The following TJP1 variants were observed in gnomAD, a reference collection of about 807,000 sequenced individuals.
TJP1 encodes the protein tight junction protein ZO-1.
Under a neutral mutation model 194.2 loss-of-function variants are expected in TJP1, and 43 were observed. The ratio of observed to expected loss-of-function variants is 0.22; its 90% CI spans 0.17 to 0.29. TJP1 has a LOEUF of 0.29. TJP1 is among the 10% of genes least tolerant of loss of function. The probability of loss-of-function intolerance (pLI) is 1.00; values close to 1 mark genes in which losing one functional copy is unlikely to be tolerated. For missense variants in TJP1, 1,971 were observed against 2,185.7 expected (o/e 0.90, Z 1.96); for synonymous variants, 801 against 779.0 (o/e 1.03, Z -0.47).
chr15:29,890,491 G>GTAGT (rs1428838188), intron 2 of TJP1, among the ~76,000 whole-genome samples: 3 of 152,180 alleles, frequency 2.0e-5, no homozygotes, highest in Non-Finnish European at 4.4e-5. Context: ...CATTGTTGGT[G>GTAGT]TAGTTTCCTA....
intron 23 of TJP1, among the ~76,000 whole-genome samples, chr15:29,714,421 G>A (rs1305959689): frequency 6.6e-6 from 1 of 150,848 alleles, no homozygotes; most frequent in Non-Finnish European, 1.5e-5. Flanking sequence ...TGTATTTTTA[G>A]TAGAGACAGG....
chr15:29,720,416 G>C lies in TJP1; in HGVS notation c.2705C>G (p.Ala902Gly), dbSNP rs754602712. The change falls in exon 19 of 28, where the codon GCG becomes GGG. Residue 902 changes from alanine (A) to glycine (G), a missense_variant. Physicochemically the swap from Ala to Gly is moderately conservative, Grantham distance 60. Around this residue, in one of 5 missense-constraint regions of TJP1, gnomAD observed 1,108 missense variants for 1,128.5 expected, o/e 0.98. Transcript: ENST00000614355. ...TATTCTATGAATTGGTTGTGGCTGC[G>C]CTTGTGGTGAGTAAGGAGGATATGT... Reference protein sequence around the residue: ...NQTYPPYSPQAQPQPIHRIDS... With the variant: ...NQTYPPYSPQGQPQPIHRIDS... The C allele has an allele frequency of 6.2e-7, 1 of 1,613,414 alleles. No homozygotes were observed. The highest frequency in any genetic ancestry group is 1.1e-5 in the South Asian group (1 of 90,914).
chr15:29,870,433 A>G (rs1017805607), intron 2 of TJP1, among the ~76,000 whole-genome samples: 2 of 152,246 alleles, frequency 1.3e-5, no homozygotes, highest in Non-Finnish European at 2.9e-5. Flanking sequence ...GAGGAACCGG[A>G]GCAGACAATA....
intron 2 of TJP1, among the ~76,000 whole-genome samples, chr15:29,868,236 C>T (rs893965222): frequency 1.3e-5 from 2 of 152,048 alleles, no homozygotes; most frequent in African/African-American, 2.4e-5. Flanking sequence ...AAAAAATCAG[C>T]GGCAATAGCT....
In TJP1 at chr15:29,822,166, C is replaced by A; in HGVS notation, c.-138G>T. The A allele has an allele frequency of 3.4e-6, 4 of 1,180,914 alleles. No individual in the cohort carries two copies. The highest frequency in any genetic ancestry group is 4.2e-6 in the Non-Finnish European group (4 of 954,422). The allele number at this position is 1,180,914 out of a possible 1,614,324, so 73.2% of individuals were successfully genotyped here. The stretch of plus-strand genomic sequence containing the variant: ...CACGGGCGGGGGCGGCCGGAAGGGC[C>A]CGGCCCAGGGGGAGGGAATTCAACT... On this transcript the variant is annotated 5_prime_UTR_variant, in exon 1 of 28. Transcript: ENST00000614355.
chr15:29,737,109 G>A (rs1566927917), intron 11 of TJP1, among the ~76,000 whole-genome samples, 155 bp downstream of exon 11: 1 of 152,180 alleles, frequency 6.6e-6, no homozygotes, highest in Admixed American at 6.5e-5. Context: ...CCAGCATAAG[G>A]TAGACCTGAT....
intron 2 of TJP1, among the ~76,000 whole-genome samples, chr15:29,945,142 G>C (rs1040923392): frequency 2.4e-4 from 37 of 152,140 alleles, no homozygotes; most frequent in Admixed American, 1.0e-3. Context: ...CTCCCCTCTG[G>C]TGTTTCAAGT....
intron 2 of TJP1, among the ~76,000 whole-genome samples, chr15:29,784,765 G>A (rs2047592446): frequency 6.6e-6 from 1 of 152,124 alleles, no homozygotes; most frequent in African/African-American, 2.4e-5. Flanking sequence ...TAGGACTGGT[G>A]ATAAGCATCA....
chr15:29,965,595 A>G (rs2056306100), intron 1 of TJP1, among the ~76,000 whole-genome samples: 2 of 151,884 alleles, frequency 1.3e-5, no homozygotes, highest in African/African-American at 4.8e-5. Flanking sequence ...TCCACCCACC[A>G]CTCTAGAGTC....
intron 2 of TJP1, among the ~76,000 whole-genome samples, chr15:29,920,712 C>A (rs1172074672): frequency 1.3e-5 from 2 of 152,186 alleles, no homozygotes; most frequent in Non-Finnish European, 2.9e-5. Flanking sequence ...CTGTGACAGC[C>A]CTGCTGCTCC....
chr15:29,765,212 C>A (rs1171011749), intron 5 of TJP1, among the ~76,000 whole-genome samples: 1 of 151,962 alleles, frequency 6.6e-6, no homozygotes, highest in Non-Finnish European at 1.5e-5. Context: ...GGGGGCAGAG[C>A]GGAAAAGATA....
chr15:29,702,592 T>C (rs1032860053), intron 27 of TJP1, among the ~76,000 whole-genome samples: 1 of 152,154 alleles, frequency 6.6e-6, no homozygotes, highest in African/African-American at 2.4e-5. Flanking sequence ...GGGAAGCTGC[T>C]AAATATTCCA....
intron 1 of TJP1, among the ~76,000 whole-genome samples, chr15:29,957,718 C>A (rs1596325773): frequency 6.6e-6 from 1 of 152,268 alleles, no homozygotes; most frequent in Middle Eastern, 3.4e-3. Flanking sequence ...CAGCAATGAA[C>A]ATCCTTGGCA....
At chr15:29,797,904 GAC>G (rs1335493392) in intron 2 of TJP1, among the ~76,000 whole-genome samples, 1 of 152,134 alleles carries the variant, frequency 6.6e-6, no homozygotes, top group Non-Finnish European at 1.5e-5. Flanking sequence ...AAGATATATG[GAC>G]AACAAATGAG....
At chr15:29,911,587 G>C (rs548128792) in intron 2 of TJP1, among the ~76,000 whole-genome samples, 23 of 152,194 alleles carry the variant, frequency 1.5e-4, no homozygotes, top group African/African-American at 5.5e-4. Flanking sequence ...GAGCAAAGGG[G>C]GAGGTGCTAC....
intron 2 of TJP1, among the ~76,000 whole-genome samples, chr15:29,876,274 C>G (rs911169146): frequency 6.6e-6 from 1 of 152,170 alleles, no homozygotes. Context: ...AATCCCAGCA[C>G]TTTGGGAGGC....
At chr15:29,937,188 G>A (rs563681170) in intron 2 of TJP1, among the ~76,000 whole-genome samples, 1 of 152,214 alleles carries the variant, frequency 6.6e-6, no homozygotes, top group African/African-American at 2.4e-5. Flanking sequence ...CTGTTTAAGA[G>A]TCCCACCTAT....
At chr15:29,949,750 C>T (rs1368522554) in intron 2 of TJP1, among the ~76,000 whole-genome samples, 2 of 119,084 alleles carry the variant, frequency 1.7e-5, no homozygotes, top group African/African-American at 5.9e-5. Flanking sequence ...CCACCACCTC[C>T]ACTTTCACCA....
chr15:29,838,992 C>CTTTTT (rs760557407), intron 2 of TJP1, among the ~76,000 whole-genome samples: 74 of 83,464 alleles, frequency 8.9e-4, no homozygotes, highest in Non-Finnish European at 1.0e-3. Context: ...AAAAATTCAC[C>CTTTTT]TTTTTTTTTT....
Sources: allele counts gnomAD v4.1 joint callset (sites outside exome capture counted in the v4.1 genomes callset), GRCh38; gene constraint gnomAD v4.1.1; regional missense constraint gnomAD v4.1.1; transcripts MANE v1.5; gene names NCBI Gene and HGNC (gene_info 2026-07-23, HGNC 2026-07-21).